The following CILP2 variants were observed in gnomAD, a reference collection of about 807,000 sequenced individuals.
The protein encoded by CILP2 is cartilage intermediate layer protein 2, also known as CILP-2.
A neutral mutation model predicts 45.6 loss-of-function variants in CILP2; 38 were observed. That is an observed-to-expected ratio of 0.83 (90% CI 0.64 to 1.09). The LOEUF is 1.09. Among genes scored for constraint, CILP2 ranks in the 50% least tolerant of loss-of-function variants. The pLI, the probability that CILP2 is intolerant of heterozygous loss-of-function variation, is 0.00. For missense variants in CILP2, 1,735 were observed against 1,662.2 expected (o/e 1.04, Z -0.76); for synonymous variants, 780 against 723.5 (o/e 1.08, Z -1.25).
At chr19:19,539,915 C>A in intron 2 of CILP2, 138 bp downstream of exon 2, 1 of 746,324 alleles carries the variant, frequency 1.3e-6, no homozygotes, top group Non-Finnish European at 2.0e-6. Context: ...ACATGACAGC[C>A]CCTGGAGGTG....
chr19:19,542,321 T>A, intron 4 of CILP2, 54 bp from the exon 5 acceptor site: 1 of 1,561,494 alleles, frequency 6.4e-7, no homozygotes, highest in Non-Finnish European at 8.7e-7. Context: ...AAAGCCCTCC[T>A]CAGGAGGGAG....
chr19:19,544,621 G>A lies in CILP2; in HGVS notation c.2076G>A (p.Glu692=), dbSNP rs1156645189. ...WSLNPETGLW[E]EESGFRREGS... is the part of the protein sequence containing the mutation. ...TGAACCCCGAGACCGGCTTGTGGGA[G>A]GAGGAGAGCGGCTTCCGGCGCGAGG... The change falls in exon 8 of 8, where the codon GAG becomes GAA. Residue 692 remains glutamate, a synonymous_variant. Coordinates refer to ENST00000291495, the MANE Select transcript of CILP2 (RefSeq NM_153221.2). 2.5e-6 allele frequency: 4 copies of A among 1,568,898 alleles called. No homozygotes were observed. The highest frequency in any genetic ancestry group is 1.3e-5 in the African/African-American group (1 of 74,218).
chr19:19,543,051 C>T (rs956136122), intron 6 of CILP2, 79 bp downstream of exon 6: 7 of 1,097,090 alleles, frequency 6.4e-6, no homozygotes, highest in Non-Finnish European at 9.5e-6. Context: ...ATGTGGTTTC[C>T]CATCTGGAGA....
chr19:19,544,337 C>T lies in CILP2; in HGVS notation c.1792C>T (p.Pro598Ser), dbSNP rs746095504. Residue 598 changes from proline (P) to serine (S), a missense_variant, in exon 8 of 8, where the codon CCC (proline) becomes TCC (serine). Transcript: ENST00000291495. Reference sequence around the variant, plus strand: ...CGCTTTCCGCAGAGCCGACGGCAAACCCTACTCGGGGCCTGTGGAGGCCCG... The same window carrying T: ...CGCTTTCCGCAGAGCCGACGGCAAATCCTACTCGGGGCCTGTGGAGGCCCG... ...SGAFRRADGK[P>S]YSGPVEARVT... 6.2e-7 allele frequency: 1 copy of T among 1,611,866 alleles called. No homozygotes were observed. The highest frequency in any genetic ancestry group is 8.5e-7 in the Non-Finnish European group (1 of 1,179,820).
intron 6 of CILP2, 104 bp from the exon 7 acceptor site, chr19:19,543,144 G>C (rs1257297090): frequency 2.0e-5 from 25 of 1,273,618 alleles, no homozygotes; most frequent in Non-Finnish European, 2.3e-5. Flanking sequence ...TGCTGGGGAG[G>C]AGGCTGACTT....
Position 19,542,459 on chromosome 19 carries a change from C to T in CILP2, c.677C>T (p.Ala226Val), listed in dbSNP as rs2061247954. The change falls in exon 5 of 8, where the codon GCC (alanine) becomes GTC (valine). Residue 226 changes from alanine to valine, a missense_variant. Transcript: ENST00000291495. ...CCATCTGGGCAACCACTGCTAGGAG[C>T]CAGGGTCTCCCTGCGAGACCAGCCT... ...VTPSGQPLLG[A>V]RVSLRDQPGT... The T allele has an allele frequency of 1.2e-6, 2 of 1,612,920 alleles. No homozygotes were observed. The highest frequency in any genetic ancestry group is 1.3e-5 in the African/African-American group (1 of 74,906).
Position 19,539,680 on chromosome 19 carries a change from C to A in CILP2, c.66C>A (p.Asp22Glu), listed in dbSNP as rs773143828. ...CTTCTCCCCACTCCTCACCCACAGACGCCACCCCCACCGAGGAGCCAATGG... is the reference window on the plus strand; with the variant it reads ...CTTCTCCCCACTCCTCACCCACAGAAGCCACCCCCACCGAGGAGCCAATGG... ...VVAAHLAGAR[D>E]ATPTEEPMAT... Residue 22 changes from aspartate to glutamate, a missense_variant and splice_region_variant, in exon 2 of 8, where the codon GAC becomes GAA. Transcript: ENST00000291495. 2 of 1,580,922 alleles carry A rather than the reference C, an allele frequency of 1.3e-6. No individual in the cohort carries two copies. Among genetic ancestry groups the A allele is most frequent in the Admixed American group, 1.8e-5 (1 of 56,938 alleles).
rs2061236730 is a variant in CILP2 at position 19,539,692 on chromosome 19, CG to C, written c.79del (p.Glu27ArgfsTer89). The C allele has an allele frequency of 6.3e-7, 1 of 1,591,476 alleles. No homozygotes were observed. Among genetic ancestry groups the C allele is most frequent in the Admixed American group, 1.7e-5 (1 of 58,352 alleles). On this transcript the variant is annotated frameshift_variant, in exon 2 of 8. Transcript: ENST00000291495. LOFTEE classifies it high-confidence loss of function. Reference sequence around the variant, plus strand: ...CCTCACCCACAGACGCCACCCCCACCGAGGAGCCAATGGCGACTGCACTGGG... The same window carrying C: ...CCTCACCCACAGACGCCACCCCCACCAGGAGCCAATGGCGACTGCACTGGG... The part of the protein sequence containing the change: ...LAGARDATPT[E>X]EPMATALGLE...
In CILP2 at chr19:19,544,524, C is replaced by T; in HGVS notation, c.1979C>T (p.Pro660Leu). 6.3e-7 allele frequency: 1 copy of T among 1,592,216 alleles called. No individual in the cohort carries two copies. The highest frequency in any genetic ancestry group is 8.5e-7 in the Non-Finnish European group (1 of 1,174,264). The change falls in exon 8 of 8, where the codon CCG (proline) becomes CTG (leucine). Residue 660 changes from proline to leucine, a missense_variant. Pro to Leu is a moderately conservative substitution (Grantham distance 98). Coordinates refer to ENST00000291495, the MANE Select transcript of CILP2 (RefSeq NM_153221.2). ...TCCGCGGAGCAGCTGCAGGTGGGGC[C>T]GGTGGCCGTGCGGGTGGCCGCCAGC... ...PGSAEQLQVG[P>L]VAVRVAASQI...
At position 19,545,282 on chromosome 19, in the gene CILP2, C is replaced by G; in HGVS notation, c.2737C>G (p.Pro913Ala). The G allele has an allele frequency of 6.2e-7, 1 of 1,612,940 alleles. No individual in the cohort carries two copies. The highest frequency in any genetic ancestry group is 8.5e-7 in the Non-Finnish European group (1 of 1,179,900). Residue 913 changes from proline to alanine, a missense_variant, in exon 8 of 8, where the codon CCC becomes GCC. Physicochemically the swap from Pro to Ala is conservative, Grantham distance 27. Coordinates refer to ENST00000291495, the MANE Select transcript of CILP2 (RefSeq NM_153221.2). ...EADKYEYNVVPFREGTPASWT... is the reference protein window; with the variant it reads ...EADKYEYNVVAFREGTPASWT... ...GGACAAGTACGAGTACAACGTGGTC[C>G]CCTTCCGAGAGGGCACACCTGCCTC...
Position 19,546,005 on chromosome 19 carries a change from G to C in CILP2, c.3460G>C (p.Val1154Leu). ...TCCCCTCCGCACCCGCCGGGGTAGG[G>C]TCCGGCAGTGACCTGGGCAGGGGCC... ...SGPLRTRRGR[V>L]RQ Residue 1154 changes from valine (V) to leucine (L), a missense_variant, in exon 8 of 8, where the codon GTC becomes CTC. Physicochemically the swap from Val to Leu is conservative, Grantham distance 32. Coordinates refer to ENST00000291495, the MANE Select transcript of CILP2 (RefSeq NM_153221.2). 6.7e-7 allele frequency: 1 copy of C among 1,484,804 alleles called. No homozygotes were observed. Among genetic ancestry groups the C allele is most frequent in the Non-Finnish European group, 8.9e-7 (1 of 1,119,224 alleles). The allele number at this position is 1,484,804 out of a possible 1,614,324, so 92.0% of individuals were successfully genotyped here.
intron 4 of CILP2, among the ~76,000 whole-genome samples, chr19:19,542,086 G>A (rs2061246514): frequency 6.6e-6 from 1 of 152,168 alleles, no homozygotes; most frequent in Non-Finnish European, 1.5e-5. Flanking sequence ...CTCTTCTGCT[G>A]GAAAGGGCAG....
At position 19,541,094 on chromosome 19, in the gene CILP2, C is replaced by G. The variant is rs372270430; in HGVS notation, c.440C>G (p.Ala147Gly). ...TCTCCGTCCCTGCCTTCCGCAGAAG[C>G]CTCGTGGGGCGCGTGGGGCCCGTGG... ...YHVRFRCPLE[A>G]SWGAWGPWGP... The change falls in exon 4 of 8, where the codon GCC (alanine) becomes GGC (glycine). Residue 147 changes from alanine to glycine, a missense_variant. Coordinates refer to ENST00000291495, the MANE Select transcript of CILP2 (RefSeq NM_153221.2). 5 of 1,262,838 alleles carry G rather than the reference C, an allele frequency of 4.0e-6. No individual in the cohort carries two copies. Among genetic ancestry groups the G allele is most frequent in the Admixed American group, 3.6e-5 (1 of 27,834 alleles). 78.2% of individuals were successfully genotyped at this position (1,262,838 alleles called of 1,614,324 possible).
rs1047554579 is a variant in CILP2 at position 19,544,157 on chromosome 19, T to G, written c.1612T>G (p.Leu538Val). The change falls in exon 8 of 8, where the codon TTG becomes GTG. Residue 538 changes from leucine to valine, a missense_variant. Physicochemically the swap from Leu to Val is conservative, Grantham distance 32. Transcript: ENST00000291495. ...SGEFMDAVRV[L>V]PFDPRGAGVY... Reference sequence around the variant, plus strand: ...TGAGTTCATGGACGCTGTCCGGGTCTTGCCTTTTGATCCTCGAGGTGCCGG... The same window carrying G: ...TGAGTTCATGGACGCTGTCCGGGTCGTGCCTTTTGATCCTCGAGGTGCCGG... 15 of 1,613,770 alleles carry G rather than the reference T, an allele frequency of 9.3e-6. No homozygotes were observed. Among genetic ancestry groups the G allele is most frequent in the Non-Finnish European group, 1.3e-5 (15 of 1,179,872 alleles).
rs1410021269 is a variant in CILP2, at chr19:19,544,124, C to T, written c.1579C>T (p.Pro527Ser). ...GCGGCTGGTGGTGACTTTTGTGGAC[C>T]CCAGCGGTGAGTTCATGGACGCTGT... ...TQRLVVTFVD[P>S]SGEFMDAVRV... The change falls in exon 8 of 8, where the codon CCC becomes TCC. Residue 527 changes from proline to serine, a missense_variant. Transcript: ENST00000291495. 5 of 1,613,914 alleles carry T rather than the reference C, an allele frequency of 3.1e-6. No homozygotes were observed. The highest frequency in any genetic ancestry group is 1.6e-4 in the Middle Eastern group (1 of 6,062).
chr19:19,545,831 G>A lies in CILP2; in HGVS notation c.3286G>A (p.Ala1096Thr). Residue 1096 changes from alanine (A) to threonine (T), a missense_variant, in exon 8 of 8, where the codon GCC becomes ACC. Ala to Thr is a moderately conservative substitution (Grantham distance 58). Transcript: ENST00000291495. ...DGFSREMKAD[A>T]GTAVTFQCRE... ...CTTCTCCAGAGAGATGAAGGCTGAT[G>A]CCGGCACAGCCGTCACCTTCCAGTG... is the stretch of plus-strand genomic sequence containing the variant. 1 of 1,584,652 alleles carries A rather than the reference G, an allele frequency of 6.3e-7. No individual in the cohort carries two copies. The highest frequency in any genetic ancestry group is 8.6e-7 in the Non-Finnish European group (1 of 1,160,122).
In CILP2 at chr19:19,545,842, C is replaced by A; in HGVS notation, c.3297C>A (p.Ala1099=). 2 of 1,584,772 alleles carry A rather than the reference C, an allele frequency of 1.3e-6. No homozygotes were observed. The highest frequency in any genetic ancestry group is 1.7e-6 in the Non-Finnish European group (2 of 1,160,378). Residue 1099 remains alanine (A), a synonymous_variant, in exon 8 of 8, where the codon GCC becomes GCA. Transcript: ENST00000291495. The part of the protein sequence containing the change: ...SREMKADAGT[A]VTFQCREPPA... ...AGATGAAGGCTGATGCCGGCACAGCCGTCACCTTCCAGTGCCGGGAGCCAC... is the reference window on the plus strand; with the variant it reads ...AGATGAAGGCTGATGCCGGCACAGCAGTCACCTTCCAGTGCCGGGAGCCAC...
chr19:19,540,548 G>T (rs1158005363), intron 3 of CILP2, 72 bp downstream of exon 3: 2 of 1,267,370 alleles, frequency 1.6e-6, no homozygotes, highest in Non-Finnish European at 2.1e-6. Context: ...GAAGAGTCGT[G>T]GTGGGTGGGG....
chr19:19,541,434 G>T (rs1280263021), intron 4 of CILP2, among the ~76,000 whole-genome samples, 188 bp downstream of exon 4: 1 of 152,062 alleles, frequency 6.6e-6, no homozygotes, highest in Non-Finnish European at 1.5e-5. Context: ...GGGCTGTGAA[G>T]GGCGGGGCCT....
Sources: gnomAD v4.1 joint callset for allele counts (sites outside exome capture counted in the v4.1 genomes callset) on GRCh38, gnomAD v4.1.1 for gene constraint, MANE v1.5 for transcripts, NCBI Gene and HGNC (gene_info 2026-07-23, HGNC 2026-07-21) for gene names.